Variants in ERBB4 observed in about 807,000 individuals in gnomAD.
The protein encoded by ERBB4 is receptor tyrosine-protein kinase erbB-4.
Under a neutral mutation model 158.0 loss-of-function variants are expected in ERBB4, and 42 were observed. The ratio of observed to expected loss-of-function variants is 0.27; its 90% confidence interval spans 0.21 to 0.34. The LOEUF is 0.34. Ranked by LOEUF, ERBB4 falls within the 10% of genes least tolerant of loss-of-function variation. ERBB4 has a pLI of 1.00. For missense variants in ERBB4, 1,333 were observed against 1,624.1 expected, an observed-to-expected ratio of 0.82 and a Z score of 3.08; for synonymous variants, 583 against 558.7, an observed-to-expected ratio of 1.04 and a Z score of -0.61.
chr2:212,426,837 C>T (rs1198572795), intron 1 of ERBB4, among the ~76,000 whole-genome samples: 3 of 152,054 alleles, frequency 2.0e-5, no homozygotes, highest in East Asian at 1.9e-4. Context: ...ACAGAGGGCT[C>T]GGGGTAGCCA....
At chr2:211,743,201 A>C (rs1218917078) in intron 5 of ERBB4, among the ~76,000 whole-genome samples, 1 of 152,220 alleles carries the variant, frequency 6.6e-6, no homozygotes, top group African/African-American at 2.4e-5. Flanking sequence ...TCACTTATAA[A>C]GCAACTTAGA....
At chr2:212,151,521 A>G (rs2080869007) in intron 1 of ERBB4, among the ~76,000 whole-genome samples, 1 of 151,686 alleles carries the variant, frequency 6.6e-6, no homozygotes, top group Non-Finnish European at 1.5e-5. Context: ...TTTTAAAATT[A>G]TATCTAATTT....
intron 1 of ERBB4, among the ~76,000 whole-genome samples, chr2:212,132,873 T>A (rs903226690): frequency 1.3e-5 from 2 of 152,080 alleles, no homozygotes; most frequent in Non-Finnish European, 2.9e-5. Context: ...CAAATTGACA[T>A]AGAAAATTAA....
chr2:211,862,429 T>C (rs980629751), intron 3 of ERBB4, among the ~76,000 whole-genome samples: 10 of 152,026 alleles, frequency 6.6e-5, no homozygotes, highest in African/African-American at 2.2e-4. Flanking sequence ...AAGCATTGTC[T>C]TAGATGAGAA....
chr2:212,231,103 T>G (rs11887771), intron 1 of ERBB4, among the ~76,000 whole-genome samples: 83,986 of 151,896 alleles, frequency 0.55, 23,509 homozygotes, highest in East Asian at 0.76. Context: ...ATACCTTATT[T>G]CAATGATTTG....
intron 1 of ERBB4, among the ~76,000 whole-genome samples, chr2:212,305,846 T>G (rs996901688): frequency 3.3e-5 from 5 of 151,400 alleles, no homozygotes; most frequent in African/African-American, 1.2e-4. Context: ...GTACACAAAC[T>G]TAATGAATTT....
chr2:212,396,029 G>T (rs2106449446), intron 1 of ERBB4, among the ~76,000 whole-genome samples: 1 of 152,220 alleles, frequency 6.6e-6, no homozygotes, highest in African/African-American at 2.4e-5. Context: ...AATTATAACT[G>T]ATGGTTTTAT....
At chr2:212,480,238 C>T (rs1289600887) in intron 1 of ERBB4, among the ~76,000 whole-genome samples, 2 of 152,056 alleles carry the variant, frequency 1.3e-5, no homozygotes, top group African/African-American at 2.4e-5. Flanking sequence ...ACTCCTGTTA[C>T]TTGTGAAATT....
In ERBB4 at chr2:211,948,852, A is replaced by ATC. The variant is rs770808724; in HGVS notation, c.235-1238_235-1237dup. On this transcript the variant is annotated intron_variant, in intron 2 of 27. Transcript: ENST00000342788. ...CAAAGTTGGTGATCTCCAAACATTT[A>ATC]TCTCTATACTTTCCCCAAACTCCAG... Among the ~76,000 whole-genome samples the ATC allele has an allele frequency of 2.0e-4, 30 of 152,110 alleles. No homozygotes were observed. In the South Asian group the frequency reaches 5.8e-3, roughly 30 times the overall value.
intron 3 of ERBB4, among the ~76,000 whole-genome samples, chr2:211,804,751 C>T (rs564282743): frequency 1.1e-3 from 174 of 152,164 alleles, no homozygotes; most frequent in African/African-American, 4.0e-3. Context: ...GAGACCTGGG[C>T]TCTTTCCCTT....
At chr2:211,753,306 G>C (rs1277804238) in intron 4 of ERBB4, among the ~76,000 whole-genome samples, 2 of 151,174 alleles carry the variant, frequency 1.3e-5, no homozygotes, top group African/African-American at 2.4e-5. Flanking sequence ...TTTCCTATAA[G>C]CATTCCCTCC....
At chr2:211,773,253 G>A (rs1434194384) in intron 4 of ERBB4, among the ~76,000 whole-genome samples, 7 of 151,014 alleles carry the variant, frequency 4.6e-5, no homozygotes, top group Admixed American at 4.6e-4. Context: ...TTTACTCCAA[G>A]TTTTTGGTTA....
At chr2:212,149,994 C>T (rs1030246064) in intron 1 of ERBB4, among the ~76,000 whole-genome samples, 2 of 152,162 alleles carry the variant, frequency 1.3e-5, no homozygotes, top group African/African-American at 4.8e-5. Flanking sequence ...GCAGCAGGCA[C>T]TCAACAGATA....
At chr2:212,384,890 A>AATAT (rs67216333) in intron 1 of ERBB4, among the ~76,000 whole-genome samples, 10,124 of 122,646 alleles carry the variant, frequency 0.083, 376 homozygotes, top group African/African-American at 0.1. Flanking sequence ...ATGTTTGTGG[A>AATAT]ATATATATAT....
chr2:211,973,393 G>T (rs1368488494), intron 2 of ERBB4, among the ~76,000 whole-genome samples: 1 of 151,956 alleles, frequency 6.6e-6, no homozygotes, highest in African/African-American at 2.4e-5. Flanking sequence ...AGTAGAGACG[G>T]GGTTTCACCA....
intron 14 of ERBB4, among the ~76,000 whole-genome samples, chr2:211,667,478 G>C (rs1292903094): frequency 6.7e-6 from 1 of 148,828 alleles, no homozygotes; most frequent in Non-Finnish European, 1.5e-5. Context: ...ACCTAATCCT[G>C]ATTCTACCTG....
rs558029382 is a variant in ERBB4, at chr2:212,030,966, A to C, written c.235-83350T>G. Among the ~76,000 whole-genome samples the C allele has an allele frequency of 1.3e-5, 2 of 152,152 alleles. 1 individual carries two copies. The highest frequency in any genetic ancestry group is 4.1e-4 in the South Asian group (2 of 4,824). ...ATCTGCTAATCCACCGACATTTAAC[A>C]CCAGGCTACCATTCCAGCCTCATTA... On this transcript the variant is annotated intron_variant, in intron 2 of 27. Coordinates refer to ENST00000342788, the MANE Select transcript of ERBB4 (RefSeq NM_005235.3).
intron 19 of ERBB4, among the ~76,000 whole-genome samples, chr2:211,594,907 A>G (rs573916642): frequency 2.6e-5 from 4 of 152,350 alleles, no homozygotes; most frequent in Admixed American, 6.5e-5. Flanking sequence ...CTGAAATAGT[A>G]TAAACATTAT....
rs2062578195 is a variant in ERBB4 at position 211,381,850 on chromosome 2, T to C, written c.*1765A>G. The C allele has an allele frequency of 4.4e-6, 1 of 228,618 alleles. No homozygotes were observed. Among genetic ancestry groups the C allele is most frequent in the African/African-American group, 2.2e-5 (1 of 45,114 alleles). The allele number at this position is 228,618 out of a possible 1,614,324, so 14.2% of individuals were successfully genotyped here. ...TAGAAATATTTTTTAAAAATCTAAATGACTTGGGGTAGAATTTTCAGAAAA... is the reference window on the plus strand; with the variant it reads ...TAGAAATATTTTTTAAAAATCTAAACGACTTGGGGTAGAATTTTCAGAAAA... On this transcript the variant is annotated 3_prime_UTR_variant, in exon 28 of 28. Coordinates refer to ENST00000342788, the MANE Select transcript of ERBB4 (RefSeq NM_005235.3).
Sources: allele counts gnomAD v4.1 joint callset (sites outside exome capture counted in the v4.1 genomes callset), GRCh38; gene constraint gnomAD v4.1.1; transcripts MANE v1.5; gene names NCBI Gene and HGNC (gene_info 2026-07-23, HGNC 2026-07-21).